WIPF1: variants seen among roughly 807,000 people sequenced by gnomAD.
WIPF1 encodes WAS/WASL-interacting protein family member 1.
A neutral mutation model predicts 35.4 loss-of-function variants in WIPF1; 13 were observed. That is an observed-to-expected ratio of 0.37 (90% confidence interval 0.24 to 0.58). The LOEUF is 0.58. Ranked by LOEUF, WIPF1 falls within the 20% of genes least tolerant of loss-of-function variation. The pLI is 0.74. For missense variants in WIPF1, 591 were observed against 667.0 expected, an observed-to-expected ratio of 0.89 and a Z score of 1.25; for synonymous variants, 267 against 266.3, an observed-to-expected ratio of 1.00 and a Z score of -0.02.
At chr2:174,663,697 C>T (rs1161239006) in intron 1 of WIPF1, among the ~76,000 whole-genome samples, 1 of 152,234 alleles carries the variant, frequency 6.6e-6, no homozygotes, top group Admixed American at 6.5e-5. Flanking sequence ...CAGAGGAACA[C>T]GCATGCAGGT....
chr2:174,618,059 G>C (rs908655479), intron 1 of WIPF1, among the ~76,000 whole-genome samples: 1 of 152,220 alleles, frequency 6.6e-6, no homozygotes, highest in Non-Finnish European at 1.5e-5. Context: ...AGGTCATCTT[G>C]CCACTTCAGC....
intron 1 of WIPF1, among the ~76,000 whole-genome samples, chr2:174,596,115 C>A (rs1219436776): frequency 1.3e-5 from 2 of 152,180 alleles, no homozygotes; most frequent in Non-Finnish European, 2.9e-5. Flanking sequence ...ATCCCAGGAA[C>A]TAATTTTCAC....
chr2:174,577,390 C>A (rs888397818), intron 3 of WIPF1, among the ~76,000 whole-genome samples: 2 of 152,016 alleles, frequency 1.3e-5, no homozygotes, highest in African/African-American at 4.8e-5. Flanking sequence ...AAATTATTAA[C>A]GTTTCTAAAG....
chr2:174,621,647 G>A (rs1686678357), intron 1 of WIPF1, among the ~76,000 whole-genome samples: 1 of 152,104 alleles, frequency 6.6e-6, no homozygotes, highest in Admixed American at 6.5e-5. Context: ...TGGAAAACAG[G>A]TGACATTAAT....
intron 1 of WIPF1, among the ~76,000 whole-genome samples, chr2:174,626,961 C>T (rs572210770): frequency 6.6e-6 from 1 of 152,326 alleles, no homozygotes; most frequent in East Asian, 1.9e-4. Context: ...AGAGTCCTAC[C>T]ATGACCAACA....
intron 1 of WIPF1, among the ~76,000 whole-genome samples, chr2:174,609,829 G>T (rs1686288712): frequency 6.6e-6 from 1 of 152,200 alleles, no homozygotes; most frequent in African/African-American, 2.4e-5. Context: ...CCAATCAGAC[G>T]ATTCTGCTCA....
intron 3 of WIPF1, among the ~76,000 whole-genome samples, chr2:174,578,537 ACTTT>A (rs1384781840): frequency 1.3e-5 from 2 of 152,222 alleles, no homozygotes; most frequent in Non-Finnish European, 1.5e-5. Context: ...TTAGAAAAGT[ACTTT>A]CTTTAATATC....
chr2:174,575,442 A>C, intron 3 of WIPF1, 62 bp from the exon 4 acceptor site: 1 of 1,489,564 alleles, frequency 6.7e-7, no homozygotes, highest in African/African-American at 1.4e-5. Context: ...AAACCATAAA[A>C]CAACAGTACA....
At chr2:174,576,430 A>G (rs980250550) in intron 3 of WIPF1, among the ~76,000 whole-genome samples, 5 of 152,128 alleles carry the variant, frequency 3.3e-5, no homozygotes, top group African/African-American at 7.2e-5. Context: ...AAAGGATTCT[A>G]TTGTATTGTA....
rs943306007 is a variant in WIPF1, at chr2:174,670,018, C to G, written c.-39+12756G>C. On this transcript the variant is annotated intron_variant, in intron 1 of 8. Coordinates refer to the WIPF1 transcript ENST00000272746. ...TTTTCAAGGGGAGGAGGGGAGGGCA[C>G]TCTTGCAAGAGTAAGCATGAGATGG... Among the ~76,000 whole-genome samples, 16 of 152,254 alleles carry G rather than the reference C, an allele frequency of 1.1e-4. 1 individual carries two copies. The East Asian group carries it at 3.1e-3, about 29-fold the overall frequency.
chr2:174,639,919 T>C (rs1025214423), intron 1 of WIPF1, among the ~76,000 whole-genome samples: 1 of 152,190 alleles, frequency 6.6e-6, no homozygotes, highest in Non-Finnish European at 1.5e-5. Flanking sequence ...TTCATTCTTC[T>C]GCATGTCCTA....
rs1398456699 is a variant in WIPF1, at chr2:174,595,104, AAAAAAATATATATATATAT to A, written c.-39+2478_-39+2496del. 2.1e-4 allele frequency among the ~76,000 whole-genome samples: 9 copies of A among 43,668 alleles called. 1 individual carries two copies. The highest frequency in any genetic ancestry group is 1.9e-3 in the South Asian group (2 of 1,036). The allele number at this position is 43,668 out of a possible 152,430, so 28.6% of individuals were successfully genotyped here. On this transcript the variant is annotated intron_variant, in intron 1 of 7. Transcript: ENST00000679041. Reference sequence around the variant, plus strand: ...TCATCTCTACAAAAAAAAAAAAAAAAAAAAAATATATATATATATATATATATATATATATAATTAACTG... The same window carrying A: ...TCATCTCTACAAAAAAAAAAAAAAAAATATATATATATATATAATTAACTG...
At chr2:174,598,452 C>T (rs1219244563), upstream of WIPF1, among the ~76,000 whole-genome samples, 1 of 152,142 alleles carries the variant, frequency 6.6e-6, no homozygotes, top group Non-Finnish European at 1.5e-5. Context: ...GCTGAGACTA[C>T]AGGCATATGC....
chr2:174,670,890 G>C (rs935015509), intron 1 of WIPF1, among the ~76,000 whole-genome samples: 1 of 152,178 alleles, frequency 6.6e-6, no homozygotes, highest in South Asian at 2.1e-4. Context: ...TTTTGTCTGA[G>C]ACTGTACAAA....
At chr2:174,579,125 C>T (rs1022836286) in intron 3 of WIPF1, among the ~76,000 whole-genome samples, 1 of 152,198 alleles carries the variant, frequency 6.6e-6, no homozygotes, top group African/African-American at 2.4e-5. Flanking sequence ...TCAAGCGATT[C>T]TCCTGCCTCA....
chr2:174,598,967 G>C (rs1365404736), upstream of WIPF1, among the ~76,000 whole-genome samples: 4 of 152,160 alleles, frequency 2.6e-5, no homozygotes, highest in Non-Finnish European at 5.9e-5. Flanking sequence ...GCAACACATA[G>C]TATATAACTC....
At chr2:174,621,584 C>T (rs1246517889) in intron 1 of WIPF1, among the ~76,000 whole-genome samples, 1 of 152,004 alleles carries the variant, frequency 6.6e-6, no homozygotes, top group African/African-American at 2.4e-5. Flanking sequence ...AAATACAATG[C>T]AAGCCCCATG....
chr2:174,589,350 G>A (rs766597186), intron 1 of WIPF1, among the ~76,000 whole-genome samples: 1 of 152,210 alleles, frequency 6.6e-6, no homozygotes, highest in South Asian at 2.1e-4. Flanking sequence ...TGTGAGATCT[G>A]GGCAAAAGAA....
intron 1 of WIPF1, among the ~76,000 whole-genome samples, chr2:174,653,689 C>T (rs1356221644): frequency 2.0e-5 from 3 of 149,744 alleles, no homozygotes; most frequent in African/African-American, 7.4e-5. Flanking sequence ...TTGCAGTGAG[C>T]CGAGATCACG....
Sources: allele counts gnomAD v4.1 joint callset (sites outside exome capture counted in the v4.1 genomes callset), GRCh38; gene constraint gnomAD v4.1.1; transcripts MANE v1.5; gene names NCBI Gene and HGNC (gene_info 2026-07-23, HGNC 2026-07-21).